Variants in AVIL observed in about 807,000 individuals in gnomAD.
AVIL encodes advillin.
Under a neutral mutation model 109.9 loss-of-function variants are expected in AVIL, and 78 were observed. The ratio of observed to expected loss-of-function variants is 0.71; its 90% confidence interval spans 0.59 to 0.86. The LOEUF is 0.86. AVIL is among the 40% of genes least tolerant of loss of function. The probability of loss-of-function intolerance (pLI) is 0.00; values close to 1 mark genes in which losing one functional copy is unlikely to be tolerated. For synonymous variants in AVIL, 367 were observed against 379.1 expected, an observed-to-expected ratio of 0.97 and a Z score of 0.37; for missense variants, 892 against 1,016.5, an observed-to-expected ratio of 0.88 and a Z score of 1.67.
At position 57,813,389 on chromosome 12, in the gene AVIL, A is replaced by G. The variant is rs1956062470; in HGVS notation, c.176T>C (p.Ile59Thr). ...GGAGTCCTTCCCGATCCAGAAGTGG[A>G]TGTCCTGGGATAGGAGACTGGCCAC... ...RRVASLLSQD[I>T]HFWIGKDSSQ... Residue 59 changes from isoleucine to threonine, a missense_variant, in exon 4 of 20, where the codon ATC (isoleucine) becomes ACC (threonine). By Grantham distance (89) the Ile-to-Thr change is moderately conservative. Transcript: ENST00000549994. 3.7e-6 allele frequency: 6 copies of G among 1,613,988 alleles called. No individual in the cohort carries two copies. The highest frequency in any genetic ancestry group is 5.1e-6 in the Non-Finnish European group (6 of 1,179,998).
Position 57,799,895 on chromosome 12 carries a change from A to AG in AVIL, c.2245dup (p.Leu749ProfsTer4). 1 of 1,614,206 alleles carries AG rather than the reference A, an allele frequency of 6.2e-7. No individual in the cohort carries two copies. Among genetic ancestry groups the AG allele is most frequent in the Non-Finnish European group, 8.5e-7 (1 of 1,180,028 alleles). On this transcript the variant is annotated frameshift_variant, in exon 19 of 20. Coordinates refer to ENST00000549994, the MANE Select transcript of AVIL (RefSeq NM_006576.4). LOFTEE classifies it high-confidence loss of function. ...TTTTGGCTCACTGTCATTAGAATTC[A>AG]GGGAGAGGGTTGCATTCTTCATGTC...
intron 16 of AVIL, 70 bp downstream of exon 16, chr12:57,803,177 G>A (rs1955884375): frequency 6.3e-7 from 1 of 1,583,828 alleles, no homozygotes; most frequent in Non-Finnish European, 8.6e-7. Context: ...CTAGGGTGGG[G>A]ATACTACACA....
intron 14 of AVIL, chr12:57,806,135 T>C: frequency 9.0e-6 from 2 of 222,728 alleles, no homozygotes. Flanking sequence ...GTGCCCAGCT[T>C]TTTTTTTTTT....
intron 4 of AVIL, among the ~76,000 whole-genome samples, chr12:57,811,920 T>TC (rs1324888641): frequency 6.6e-6 from 1 of 152,262 alleles, no homozygotes; most frequent in Non-Finnish European, 1.5e-5. Flanking sequence ...CCTGTCCTAC[T>TC]CCCATTCCTC....
intron 18 of AVIL, 81 bp from the exon 19 acceptor site, chr12:57,800,001 T>C: frequency 6.5e-7 from 1 of 1,541,640 alleles, no homozygotes; most frequent in Non-Finnish European, 8.8e-7. Flanking sequence ...GTATAATATT[T>C]AACATTTTGA....
Position 57,802,325 on chromosome 12 carries a change from C to T in AVIL, c.1986G>A (p.Glu662=), listed in dbSNP as rs779622567. Residue 662 remains glutamate, a synonymous_variant, in exon 17 of 20, where the codon GAG becomes GAA. Transcript: ENST00000549994. ...CACTCTCCTTCTCCGTGGCATTGGC[C>T]TCAGCCCCAATCCACAAGAACACCT... ...WDQVFLWIGA[E]ANATEKESAL... 3 of 1,613,030 alleles carry T rather than the reference C, an allele frequency of 1.9e-6. No homozygotes were observed. In the South Asian group the frequency reaches 3.3e-5, roughly 18 times the overall value.
intron 1 of AVIL, among the ~76,000 whole-genome samples, chr12:57,818,202 T>TTTTTTTTTTTTG (rs1956120982): frequency 7.5e-6 from 1 of 132,604 alleles, no homozygotes. Flanking sequence ...TTTTTTTTTT[T>TTTTTTTTTTTTG]TTTTTTTTTT....
Position 57,816,066 on chromosome 12 carries a change from C to T in AVIL, c.-19-7G>A, listed in dbSNP as rs1956098086. ...GATGCTTGTCTTTCCAGGACTGAAA[C>T]ATCACAGAACAAGAGGGGAGATGAT... is the stretch of plus-strand genomic sequence containing the variant. On this transcript the variant is annotated splice_region_variant and splice_polypyrimidine_tract_variant and intron_variant, in intron 1 of 19. Coordinates refer to ENST00000549994, the MANE Select transcript of AVIL (RefSeq NM_006576.4). 6.3e-7 allele frequency: 1 copy of T among 1,599,256 alleles called. No individual in the cohort carries two copies. The highest frequency in any genetic ancestry group is 1.3e-5 in the African/African-American group (1 of 74,534).
In AVIL at chr12:57,803,255, A is replaced by G; in HGVS notation, c.1954T>C (p.Trp652Arg). 1 of 1,614,026 alleles carries G rather than the reference A, an allele frequency of 6.2e-7. No individual in the cohort carries two copies. Among genetic ancestry groups the G allele is most frequent in the Non-Finnish European group, 8.5e-7 (1 of 1,179,966 alleles). Reference sequence around the variant, plus strand: ...CTGCAGCTGTGTCTTACCTGGTCCCAGGTATCTAGGAGCATCACGTCAGTA... The same window carrying G: ...CTGCAGCTGTGTCTTACCTGGTCCCGGGTATCTAGGAGCATCACGTCAGTA... The part of the protein sequence containing the change: ...NPTDVMLLDT[W>R]DQVFLWIGAE... The change falls in exon 16 of 20, where the codon TGG (tryptophan) becomes CGG (arginine). Residue 652 changes from tryptophan to arginine, a missense_variant. Trp to Arg is a moderately radical substitution (Grantham distance 101). Transcript: ENST00000549994.
At chr12:57,814,012 G>A in intron 3 of AVIL, 140 bp downstream of exon 3, 1 of 838,122 alleles carries the variant, frequency 1.2e-6, no homozygotes, top group Non-Finnish European at 1.9e-6. Flanking sequence ...CAGACTGGAG[G>A]TCTGCTCTGC....
At chr12:57,801,294 A>C in intron 17 of AVIL, 82 bp from the exon 18 acceptor site, 1 of 1,134,932 alleles carries the variant, frequency 8.8e-7, no homozygotes, top group Non-Finnish European at 1.3e-6. Flanking sequence ...TGTCTTCAGG[A>C]AAAGCAAAAG....
chr12:57,814,289 C>T, intron 2 of AVIL, 63 bp from the exon 3 acceptor site: 4 of 1,485,290 alleles, frequency 2.7e-6, no homozygotes, highest in Non-Finnish European at 3.7e-6. Context: ...CATGAGCCTC[C>T]CTCTCCTCTC....
chr12:57,803,242 C>T lies in AVIL; in HGVS notation c.1962+5G>A. On this transcript the variant is annotated splice_donor_5th_base_variant and intron_variant, in intron 16 of 19. Coordinates refer to ENST00000549994, the MANE Select transcript of AVIL (RefSeq NM_006576.4). Reference sequence around the variant, plus strand: ...CATGTTCTGACTTCTGCAGCTGTGTCTTACCTGGTCCCAGGTATCTAGGAG... The same window carrying T: ...CATGTTCTGACTTCTGCAGCTGTGTTTTACCTGGTCCCAGGTATCTAGGAG... 2 of 1,614,020 alleles carry T rather than the reference C, an allele frequency of 1.2e-6. No individual in the cohort carries two copies. The highest frequency in any genetic ancestry group is 1.1e-5 in the South Asian group (1 of 91,068).
In AVIL at chr12:57,806,369, C is replaced by T; in HGVS notation, c.1662G>A (p.Trp554Ter). The change falls in exon 14 of 20, where the codon TGG becomes TGA. Residue 554 changes from tryptophan to a stop codon, truncating the protein, a stop_gained. Transcript: ENST00000549994. LOFTEE classifies it high-confidence loss of function. The part of the protein sequence containing the change: ...LLRTQAEHYL[W>*]YGKGSSGDER... ...GGCCCAGCCATCCTACCTTGCCATA[C>T]CACAGGTAGTGCTCTGCCTGAGTTC... 6.2e-7 allele frequency: 1 copy of T among 1,614,052 alleles called. No homozygotes were observed. Among genetic ancestry groups the T allele is most frequent in the Non-Finnish European group, 8.5e-7 (1 of 1,180,006 alleles).
Position 57,813,338 on chromosome 12 carries a change from G to A in AVIL, c.227C>T (p.Ala76Val). The A allele has an allele frequency of 2.5e-6, 4 of 1,614,096 alleles. No individual in the cohort carries two copies. Among genetic ancestry groups the A allele is most frequent in the South Asian group, 1.1e-5 (1 of 91,076 alleles). Residue 76 changes from alanine to valine, a missense_variant, in exon 4 of 20, where the codon GCC becomes GTC. Physicochemically the swap from Ala to Val is moderately conservative, Grantham distance 64. Coordinates refer to ENST00000549994, the MANE Select transcript of AVIL (RefSeq NM_006576.4). ...GTCGTCCAGCTGTGTGGTATATATG[G>A]CTGCGCAGCTTTGCTCATCCTGGGA... ...DSSQDEQSCA[A>V]IYTTQLDDYL...
At chr12:57,815,797 C>T (rs776202822) in intron 2 of AVIL, 178 bp downstream of exon 2, 1 of 1,485,022 alleles carries the variant, frequency 6.7e-7, no homozygotes, top group Middle Eastern at 2.2e-4. Flanking sequence ...CTGCCAACCA[C>T]CTGCTTTGAG....
intron 1 of AVIL, among the ~76,000 whole-genome samples, chr12:57,816,700 CTTTTTT>C (rs11349032): frequency 5.3e-5 from 5 of 93,496 alleles, no homozygotes; most frequent in East Asian, 3.5e-4. Flanking sequence ...GGCTTTTGTC[CTTTTTT>C]TTTTTTTTTT....
intron 2 of AVIL, 51 bp downstream of exon 2, chr12:57,815,924 C>G (rs1168090966): frequency 4.3e-6 from 7 of 1,612,384 alleles, no homozygotes; most frequent in Non-Finnish European, 5.9e-6. Context: ...GGCAGCCAGA[C>G]TGCTTCCAGA....
rs563920420 is a variant in AVIL at position 57,799,205 on chromosome 12, G to A, written c.2346+590C>T. Among the ~76,000 whole-genome samples the A allele has an allele frequency of 3.6e-4, 55 of 152,316 alleles. 1 individual carries two copies. The South Asian group carries it at 0.011, about 30-fold the overall frequency. ...TACATGATGAGAAGGTGCTGGTGCT[G>A]TGATGATTTGGGAGAAGGATGTTTT... On this transcript the variant is annotated intron_variant, in intron 19 of 19. Transcript: ENST00000549994.
Sources: gnomAD v4.1 joint callset for allele counts (sites outside exome capture counted in the v4.1 genomes callset) on GRCh38, gnomAD v4.1.1 for gene constraint, MANE v1.5 for transcripts, NCBI Gene and HGNC (gene_info 2026-07-23, HGNC 2026-07-21) for gene names.